OSBPL8: variants seen among roughly 807,000 people sequenced by gnomAD.
The protein encoded by OSBPL8 is oxysterol-binding protein-related protein 8.
OSBPL8 carries 59 observed loss-of-function variants against 125.5 expected under a neutral mutation model. The ratio of observed to expected loss-of-function variants is 0.47; its 90% CI spans 0.38 to 0.58. OSBPL8 has a LOEUF of 0.58. OSBPL8 is among the 20% of genes least tolerant of loss of function. The pLI is 0.00. For synonymous variants in OSBPL8, 330 were observed against 338.9 expected (o/e 0.97, Z 0.29); for missense variants, 758 against 1,047.8 (o/e 0.72, Z 3.82).
chr12:76,367,058 T>C (rs895951015), intron 21 of OSBPL8, among the ~76,000 whole-genome samples: 2 of 152,178 alleles, frequency 1.3e-5, no homozygotes, highest in East Asian at 1.9e-4. Context: ...CTAGGTCAAG[T>C]TGGTTTACAG....
chr12:76,385,682 G>A (rs565449798), intron 14 of OSBPL8, among the ~76,000 whole-genome samples: 24 of 152,176 alleles, frequency 1.6e-4, no homozygotes, highest in East Asian at 1.3e-3. Context: ...ACTGGAGTGT[G>A]AGAATTAAAT....
intron 8 of OSBPL8, among the ~76,000 whole-genome samples, chr12:76,397,212 TTA>T (rs1555213442): frequency 6.6e-6 from 1 of 151,510 alleles, no homozygotes; most frequent in African/African-American, 2.4e-5. Context: ...ATTTTTTTTT[TTA>T]AGAGTAAGAA....
chr12:76,542,715 CAATCT>C (rs1447207209), intron 1 of OSBPL8, among the ~76,000 whole-genome samples: 2 of 152,286 alleles, frequency 1.3e-5, no homozygotes, highest in East Asian at 3.9e-4. Flanking sequence ...CCAGAGAGAT[CAATCT>C]AAACCTGACC....
At chr12:76,364,651 AAAAT>A (rs1366349448) in intron 21 of OSBPL8, among the ~76,000 whole-genome samples, 1 of 152,234 alleles carries the variant, frequency 6.6e-6, no homozygotes, top group African/African-American at 2.4e-5. Context: ...AAGTATAATT[AAAAT>A]AAATAAATTA....
intron 1 of OSBPL8, among the ~76,000 whole-genome samples, chr12:76,497,146 A>G (rs1454745654): frequency 1.3e-5 from 2 of 152,194 alleles, no homozygotes; most frequent in Non-Finnish European, 2.9e-5. Context: ...TTTTAACTAA[A>G]GGGAGATAGA....
intron 1 of OSBPL8, among the ~76,000 whole-genome samples, chr12:76,501,261 A>G (rs933824757): frequency 1.3e-5 from 2 of 152,184 alleles, no homozygotes; most frequent in African/African-American, 4.8e-5. Flanking sequence ...CCTTCCCAAT[A>G]CAATTTTCAC....
At chr12:76,371,383 T>A in intron 19 of OSBPL8, 65 bp downstream of exon 19, 1 of 1,455,360 alleles carries the variant, frequency 6.9e-7, no homozygotes. Context: ...AATGACCATA[T>A]CATTAAGGAA....
intron 2 of OSBPL8, among the ~76,000 whole-genome samples, chr12:76,473,397 T>C (rs1455695127): frequency 6.6e-6 from 1 of 152,198 alleles, no homozygotes; most frequent in Non-Finnish European, 1.5e-5. Context: ...GAAGTTTTAA[T>C]TGCCTTTTAT....
At chr12:76,492,348 C>T (rs562491794) in intron 1 of OSBPL8, among the ~76,000 whole-genome samples, 9 of 152,128 alleles carry the variant, frequency 5.9e-5, no homozygotes, top group Non-Finnish European at 8.8e-5. Flanking sequence ...CATATGTGAA[C>T]GAAGGGAAAA....
At chr12:76,523,548 G>C (rs1379499166) in intron 1 of OSBPL8, among the ~76,000 whole-genome samples, 1 of 152,208 alleles carries the variant, frequency 6.6e-6, no homozygotes, top group Admixed American at 6.5e-5. Flanking sequence ...TGTGGAGATA[G>C]GGCCTTGGGG....
chr12:76,473,044 C>T (rs1281151400), intron 2 of OSBPL8, among the ~76,000 whole-genome samples: 20 of 152,122 alleles, frequency 1.3e-4, no homozygotes, highest in Admixed American at 9.8e-4. Flanking sequence ...CAGATGCTGG[C>T]GTTACCACTA....
At chr12:76,405,471 ATT>A (rs777453468) in intron 5 of OSBPL8, among the ~76,000 whole-genome samples, 12 of 152,148 alleles carry the variant, frequency 7.9e-5, no homozygotes, top group South Asian at 2.1e-4. Context: ...AAAAAATCAA[ATT>A]TGTTTCCCTA....
intron 14 of OSBPL8, among the ~76,000 whole-genome samples, chr12:76,385,376 T>C (rs1351209310): frequency 6.6e-6 from 1 of 152,178 alleles, no homozygotes; most frequent in Non-Finnish European, 1.5e-5. Context: ...TATGGATGTA[T>C]ATGAGTTCAA....
At chr12:76,527,178 C>T (rs1160407356) in intron 1 of OSBPL8, among the ~76,000 whole-genome samples, 1 of 149,674 alleles carries the variant, frequency 6.7e-6, no homozygotes, top group Non-Finnish European at 1.5e-5. Flanking sequence ...TATACGGTAC[C>T]ACCTCAACTT....
chr12:76,419,503 G>A (rs1181283745), intron 4 of OSBPL8, among the ~76,000 whole-genome samples: 2 of 152,092 alleles, frequency 1.3e-5, no homozygotes, highest in African/African-American at 2.4e-5. Flanking sequence ...CAACCCTGGC[G>A]CCACCATTTA....
chr12:76,377,372 A>G (rs1189525309), intron 16 of OSBPL8, among the ~76,000 whole-genome samples: 2 of 152,190 alleles, frequency 1.3e-5, no homozygotes, highest in Non-Finnish European at 2.9e-5. Flanking sequence ...CAATAGCTGA[A>G]CTAATTTACA....
At chr12:76,545,558 A>G (rs1321329448) in intron 1 of OSBPL8, among the ~76,000 whole-genome samples, 1 of 152,184 alleles carries the variant, frequency 6.6e-6, no homozygotes, top group Non-Finnish European at 1.5e-5. Flanking sequence ...CTGATATTCA[A>G]TCCCAAAAGA....
chr12:76,537,348 C>G (rs1200876311), intron 1 of OSBPL8, among the ~76,000 whole-genome samples: 1 of 152,152 alleles, frequency 6.6e-6, no homozygotes, highest in East Asian at 1.9e-4. Flanking sequence ...TAACTTTAAA[C>G]TGTTTTTACA....
chr12:76,451,058 T>C (rs758591460), intron 3 of OSBPL8, 70 bp from the exon 4 acceptor site: 65 of 1,473,412 alleles, frequency 4.4e-5, no homozygotes, highest in Non-Finnish European at 5.3e-5. Context: ...GTTAATAACA[T>C]GGAATAAGAT....
Sources: gnomAD v4.1 joint callset for allele counts (sites outside exome capture counted in the v4.1 genomes callset) on GRCh38, gnomAD v4.1.1 for gene constraint, MANE v1.5 for transcripts, NCBI Gene and HGNC (gene_info 2026-07-23, HGNC 2026-07-21) for gene names.